DOCK1: variants seen among roughly 807,000 people sequenced by gnomAD.
DOCK1 encodes dedicator of cytokinesis 1.
DOCK1 carries 138 observed loss-of-function variants against 262.7 expected under a neutral mutation model. The ratio of observed to expected loss-of-function variants is 0.53; its 90% CI spans 0.46 to 0.61. The LOEUF (loss-of-function observed/expected upper bound fraction) is 0.61, where lower values mean the gene tolerates loss of function less well. Ranked by LOEUF, DOCK1 falls within the 20% of genes least tolerant of loss-of-function variation. The pLI is 0.00. For missense variants in DOCK1, 1,908 were observed against 2,370.7 expected (o/e 0.80, Z 4.05); for synonymous variants, 866 against 867.4 (o/e 1.00, Z 0.03).
At chr10:127,009,990 ATT>A (rs2041309550) in intron 11 of DOCK1, among the ~76,000 whole-genome samples, 1 of 152,136 alleles carries the variant, frequency 6.6e-6, no homozygotes, top group South Asian at 2.1e-4. Context: ...TCAGTAGGAG[ATT>A]TTGCTATCTT....
intron 16 of DOCK1, 28 bp from the exon 17 acceptor site, chr10:127,031,622 A>T (rs1591744965): frequency 6.5e-7 from 1 of 1,538,756 alleles, no homozygotes. Context: ...GAAAGCAATC[A>T]TCAATTTTTT....
chr10:127,436,904 GTTGATATTATCTC>G (rs2069724825), intron 48 of DOCK1, among the ~76,000 whole-genome samples: 1 of 151,858 alleles, frequency 6.6e-6, no homozygotes. Context: ...CTTGCACTTG[GTTGATATTATCTC>G]TTTAAGTCTC....
intron 23 of DOCK1, among the ~76,000 whole-genome samples, chr10:127,101,576 G>A (rs1250384758): frequency 6.6e-6 from 1 of 152,204 alleles, no homozygotes; most frequent in African/African-American, 2.4e-5. Flanking sequence ...CTTCTCTGAG[G>A]GTGTCATCAT....
intron 16 of DOCK1, 44 bp from the exon 17 acceptor site, chr10:127,031,605 GA>G: frequency 6.9e-7 from 1 of 1,444,474 alleles, no homozygotes; most frequent in Non-Finnish European, 9.6e-7. Flanking sequence ...ATTTTGTCAT[GA>G]TAATTGAAAG....
intron 23 of DOCK1, among the ~76,000 whole-genome samples, chr10:127,086,516 G>A (rs2047210164): frequency 6.6e-6 from 1 of 152,082 alleles, no homozygotes. Flanking sequence ...ATTATTGGAT[G>A]TCATTATAAA....
rs114838317 is a variant in DOCK1, at chr10:127,207,943, C to T, written c.2848-40065C>T. 4.0e-3 allele frequency among the ~76,000 whole-genome samples: 606 copies of T among 152,282 alleles called. 7 individuals carry two copies. The highest frequency in any genetic ancestry group is 0.014 in the African/African-American group (566 of 41,562). ...CCCAAATTTTAAGAATGAATTGATG[C>T]GTTTGATTGATCACAGGAGAATTCA... is the stretch of plus-strand genomic sequence containing the variant. On this transcript the variant is annotated intron_variant, in intron 27 of 51. Coordinates refer to ENST00000623213, the MANE Select transcript of DOCK1 (RefSeq NM_001290223.2).
intron 1 of DOCK1, among the ~76,000 whole-genome samples, chr10:126,907,200 G>T (rs529437411): frequency 6.6e-6 from 1 of 152,154 alleles, no homozygotes; most frequent in African/African-American, 2.4e-5. Flanking sequence ...CCCTGCGGGG[G>T]TAGTGTGTAG....
chr10:127,011,969 T>G (rs1390158283), intron 11 of DOCK1, among the ~76,000 whole-genome samples: 1 of 152,178 alleles, frequency 6.6e-6, no homozygotes, highest in Non-Finnish European at 1.5e-5. Context: ...CTGATGGAGA[T>G]GCAGTGGAGG....
chr10:127,280,098 G>T (rs1156797090), intron 29 of DOCK1, among the ~76,000 whole-genome samples: 1 of 145,960 alleles, frequency 6.9e-6, no homozygotes, highest in Non-Finnish European at 1.5e-5. Context: ...GCAGCGGCGC[G>T]ATCTCGGCTC....
chr10:126,959,287 A>G (rs1481497227), intron 1 of DOCK1, among the ~76,000 whole-genome samples: 2 of 152,220 alleles, frequency 1.3e-5, no homozygotes, highest in Non-Finnish European at 2.9e-5. Flanking sequence ...GATTCTTTAC[A>G]GATACAAGTT....
chr10:127,275,059 C>A (rs894180632), intron 29 of DOCK1, among the ~76,000 whole-genome samples: 2 of 152,032 alleles, frequency 1.3e-5, no homozygotes, highest in African/African-American at 4.8e-5. Context: ...TCTACACTGA[C>A]GTTCAGAAGA....
chr10:127,268,231 T>C (rs1399953325), intron 29 of DOCK1, among the ~76,000 whole-genome samples: 1 of 151,834 alleles, frequency 6.6e-6, no homozygotes, highest in East Asian at 1.9e-4. Flanking sequence ...TAGAAATACA[T>C]AGAAATATGT....
At chr10:126,993,875 C>T (rs971017256) in intron 6 of DOCK1, among the ~76,000 whole-genome samples, 4 of 152,204 alleles carry the variant, frequency 2.6e-5, no homozygotes, top group African/African-American at 4.8e-5. Flanking sequence ...CTGGCAGACT[C>T]GTATCTGGCT....
chr10:127,348,526 T>C (rs1268539652), intron 31 of DOCK1, among the ~76,000 whole-genome samples: 2 of 152,208 alleles, frequency 1.3e-5, no homozygotes, highest in African/African-American at 4.8e-5. Context: ...AAATGCTCAC[T>C]TAAAATTTCA....
intron 1 of DOCK1, among the ~76,000 whole-genome samples, chr10:126,948,509 A>T (rs2035816289): frequency 6.6e-6 from 1 of 151,884 alleles, no homozygotes; most frequent in African/African-American, 2.4e-5. Context: ...AATACTGTCC[A>T]GCCGGGCCTT....
chr10:126,936,237 C>A (rs1214360818), intron 1 of DOCK1, among the ~76,000 whole-genome samples: 1 of 152,242 alleles, frequency 6.6e-6, no homozygotes, highest in Non-Finnish European at 1.5e-5. Context: ...CCTTGTGTCT[C>A]AGCCTCCCAA....
chr10:127,424,838 T>C (rs2068720857), intron 46 of DOCK1, among the ~76,000 whole-genome samples: 2 of 152,116 alleles, frequency 1.3e-5, no homozygotes, highest in African/African-American at 4.8e-5. Context: ...AAAACAAACT[T>C]TTGTGTCGGT....
intron 23 of DOCK1, among the ~76,000 whole-genome samples, chr10:127,091,255 T>C (rs2047515953): frequency 6.6e-6 from 1 of 152,204 alleles, no homozygotes; most frequent in African/African-American, 2.4e-5. Flanking sequence ...AGTGCTGGGA[T>C]TACAGGCGTG....
intron 10 of DOCK1, among the ~76,000 whole-genome samples, chr10:127,004,768 C>T (rs1422693024): frequency 2.8e-4 from 18 of 65,270 alleles, no homozygotes; most frequent in East Asian, 5.2e-4. Flanking sequence ...CCCCCTGCCC[C>T]GCCACCCCCC....
Sources: gnomAD v4.1 joint callset for allele counts (sites outside exome capture counted in the v4.1 genomes callset) on GRCh38, gnomAD v4.1.1 for gene constraint, MANE v1.5 for transcripts, NCBI Gene and HGNC (gene_info 2026-07-23, HGNC 2026-07-21) for gene names.